Variants in C1orf21 observed in about 807,000 individuals in gnomAD.
C1orf21 encodes the protein chromosome 1 open reading frame 21, also known as uncharacterized protein C1orf21.
C1orf21 carries 3 observed loss-of-function variants against 18.7 expected under a neutral mutation model. The ratio of observed to expected loss-of-function variants is 0.16; its 90% CI spans 0.07 to 0.42. C1orf21 has a LOEUF of 0.42. C1orf21 is among the 10% of genes least tolerant of loss of function. The pLI is 0.99. For synonymous variants in C1orf21, 41 were observed against 46.4 expected (o/e 0.88, Z 0.47); for missense variants, 104 against 143.6 (o/e 0.72, Z 1.41).
intron 3 of C1orf21, among the ~76,000 whole-genome samples, chr1:184,568,025 C>T (rs1659057734): frequency 6.6e-6 from 1 of 152,162 alleles, no homozygotes; most frequent in Non-Finnish European, 1.5e-5. Context: ...GCCACCAGAA[C>T]AAGACACCCA....
chr1:184,424,168 A>G (rs12135850), intron 1 of C1orf21, among the ~76,000 whole-genome samples: 19,569 of 151,716 alleles, frequency 0.13, 2,569 homozygotes, highest in African/African-American at 0.34. Context: ...GATTGCTTTT[A>G]TCATTTTTAC....
intron 3 of C1orf21, among the ~76,000 whole-genome samples, chr1:184,573,141 A>G (rs1659137365): frequency 6.6e-6 from 1 of 152,144 alleles, no homozygotes; most frequent in Non-Finnish European, 1.5e-5. Flanking sequence ...GTCATTGTAA[A>G]CAGCCTATTA....
chr1:184,457,524 C>G (rs867184954), intron 1 of C1orf21, among the ~76,000 whole-genome samples: 2 of 152,038 alleles, frequency 1.3e-5, no homozygotes, highest in African/African-American at 4.8e-5. Flanking sequence ...ATAAGTCTAC[C>G]GCAGGCAATC....
At chr1:184,402,955 G>A (rs1656187249) in intron 1 of C1orf21, among the ~76,000 whole-genome samples, 1 of 152,226 alleles carries the variant, frequency 6.6e-6, no homozygotes, top group African/African-American at 2.4e-5. Flanking sequence ...ACTATACCTT[G>A]TAAAGTGTTC....
rs1659336071 is a variant in C1orf21 at position 184,585,235 on chromosome 1, C to A, written c.190-5504C>A. Among the ~76,000 whole-genome samples, 4 of 152,062 alleles carry A rather than the reference C, an allele frequency of 2.6e-5. No individual in the cohort carries two copies. The South Asian group carries it at 8.3e-4, about 32-fold the overall frequency. On this transcript the variant is annotated intron_variant, in intron 3 of 5. Transcript: ENST00000235307. The stretch of plus-strand genomic sequence containing the variant: ...CTCAGGGAGTTCTTGAAGCCATTTT[C>A]CTAATGATACTAAGAGGCTATTTGC...
At chr1:184,542,194 C>G (rs1658662644) in intron 3 of C1orf21, among the ~76,000 whole-genome samples, 1 of 152,122 alleles carries the variant, frequency 6.6e-6, no homozygotes, top group Non-Finnish European at 1.5e-5. Context: ...AACATCCTAC[C>G]AGATGTGGGG....
intron 5 of C1orf21, among the ~76,000 whole-genome samples, chr1:184,618,644 C>G (rs559994285): frequency 2.5e-4 from 37 of 148,858 alleles, no homozygotes; most frequent in African/African-American, 7.8e-4. Context: ...ATTCCCCCCC[C>G]CCAAGAAAAA....
chr1:184,391,582 T>A (rs963267362), intron 1 of C1orf21, among the ~76,000 whole-genome samples: 1 of 152,256 alleles, frequency 6.6e-6, no homozygotes, highest in Non-Finnish European at 1.5e-5. Context: ...TGGACTTAAG[T>A]TTTAATAAAT....
rs947780880 is a variant in C1orf21, at chr1:184,626,640, A to T, written c.*7084A>T. 1.3e-5 allele frequency: 2 copies of T among 152,502 alleles called. No homozygotes were observed. Among genetic ancestry groups the T allele is most frequent in the Admixed American group, 6.5e-5 (1 of 15,298 alleles). The allele number at this position is 152,502 out of a possible 1,614,324, so 9.4% of individuals were successfully genotyped here. A position where few individuals can be genotyped will look rare whatever the true frequency, so the allele number is the denominator to read the frequency against. On this transcript the variant is annotated 3_prime_UTR_variant, in exon 6 of 6. Transcript: ENST00000235307. ...AGACAGGTAAGGTGTGGTCACAATCAGGGCCGGGGTTTCCCTGCTCACTGC... is the reference window on the plus strand; with the variant it reads ...AGACAGGTAAGGTGTGGTCACAATCTGGGCCGGGGTTTCCCTGCTCACTGC...
intron 4 of C1orf21, among the ~76,000 whole-genome samples, chr1:184,598,020 A>G (rs1379803892): frequency 6.6e-6 from 1 of 152,114 alleles, no homozygotes; most frequent in Non-Finnish European, 1.5e-5. Context: ...AATAACTAGG[A>G]TACATTTTCT....
intron 5 of C1orf21, among the ~76,000 whole-genome samples, chr1:184,607,616 CAT>C (rs948208814): frequency 5.3e-5 from 8 of 151,040 alleles, no homozygotes; most frequent in Admixed American, 2.0e-4. Context: ...TATATATACA[CAT>C]GTGTATATAC....
chr1:184,410,653 A>T, intron 1 of C1orf21, among the ~76,000 whole-genome samples: 4 of 5,890 alleles, frequency 6.8e-4, no homozygotes, highest in Non-Finnish European at 9.8e-4. Flanking sequence ...ATATATATAT[A>T]TATATATATA....
chr1:184,550,599 A>G (rs561808052), intron 3 of C1orf21, among the ~76,000 whole-genome samples: 24 of 152,220 alleles, frequency 1.6e-4, no homozygotes, highest in African/African-American at 5.3e-4. Context: ...CAGTGGTGCA[A>G]TCCTGGCTCA....
intron 1 of C1orf21, among the ~76,000 whole-genome samples, chr1:184,475,213 A>G (rs1657552044): frequency 6.6e-6 from 1 of 152,142 alleles, no homozygotes; most frequent in African/African-American, 2.4e-5. Context: ...ATTTTCTCAC[A>G]GTGTGCTCTA....
At position 184,624,468 on chromosome 1, in the gene C1orf21, C is replaced by G. The variant is rs563247358; in HGVS notation, c.*4912C>G. ...AACAGGCTTTCGAGTGCTGTGATTT[C>G]TTTCCTGGGTTCCCAAGTCTTGTTG... On this transcript the variant is annotated 3_prime_UTR_variant, in exon 6 of 6. Coordinates refer to ENST00000235307, the MANE Select transcript of C1orf21 (RefSeq NM_030806.4). 3.3e-5 allele frequency: 5 copies of G among 152,278 alleles called. No individual in the cohort carries two copies. Among genetic ancestry groups the G allele is most frequent in the African/African-American group, 1.2e-4 (5 of 41,552 alleles). 9.4% of individuals were successfully genotyped at this position (152,278 alleles called of 1,614,324 possible). A position where few individuals can be genotyped will look rare whatever the true frequency, so the allele number is the denominator to read the frequency against.
At position 184,536,248 on chromosome 1, in the gene C1orf21, G is replaced by C. The variant is rs142455314; in HGVS notation, c.189+28566G>C. 2.7e-4 allele frequency among the ~76,000 whole-genome samples: 41 copies of C among 152,216 alleles called. 1 individual carries two copies. The East Asian group carries it at 6.8e-3, about 25-fold the overall frequency. The stretch of plus-strand genomic sequence containing the variant: ...CATTACAAACATTTATTTCTTCCAC[G>C]TACAATGTTGGCGTACACACTCTAA... On this transcript the variant is annotated intron_variant, in intron 3 of 5. Coordinates refer to ENST00000235307, the MANE Select transcript of C1orf21 (RefSeq NM_030806.4).
At chr1:184,482,278 A>G (rs982831630) in intron 2 of C1orf21, among the ~76,000 whole-genome samples, 1 of 152,208 alleles carries the variant, frequency 6.6e-6, no homozygotes, top group Non-Finnish European at 1.5e-5. Context: ...TGGGTAGCCA[A>G]ACTTTTCAGC....
chr1:184,544,801 G>A (rs1658705357), intron 3 of C1orf21, among the ~76,000 whole-genome samples: 1 of 152,190 alleles, frequency 6.6e-6, no homozygotes, highest in South Asian at 2.1e-4. Context: ...GGCAGCAGCT[G>A]CATTCATCTC....
intron 3 of C1orf21, among the ~76,000 whole-genome samples, chr1:184,515,414 A>G (rs934190224): frequency 1.1e-4 from 16 of 152,162 alleles, no homozygotes; most frequent in African/African-American, 3.9e-4. Flanking sequence ...GTTTTTAGTC[A>G]TCTCTGAAGT....
Sources: gnomAD v4.1 joint callset for allele counts (sites outside exome capture counted in the v4.1 genomes callset) on GRCh38, gnomAD v4.1.1 for gene constraint, MANE v1.5 for transcripts, NCBI Gene and HGNC (gene_info 2026-07-23, HGNC 2026-07-21) for gene names.